Variants in MICAL3 observed in about 807,000 individuals in gnomAD.
The protein encoded by MICAL3 is microtubule associated monooxygenase, calponin and LIM domain containing 3.
In MICAL3, 62 loss-of-function variants were observed where a neutral mutation model predicts 207.4. The ratio of observed to expected loss-of-function variants is 0.30; its 90% confidence interval spans 0.24 to 0.37. The LOEUF (loss-of-function observed/expected upper bound fraction) is 0.37, where lower values mean the gene tolerates loss of function less well. MICAL3 is among the 10% of genes least tolerant of loss of function. The pLI is 1.00. For synonymous variants in MICAL3, 1,077 were observed against 1,069.3 expected (o/e 1.01, Z -0.14); for missense variants, 2,368 against 2,635.6 (o/e 0.90, Z 2.22).
At chr22:17,849,490 AC>A (rs1438097087) in intron 19 of MICAL3, among the ~76,000 whole-genome samples, 4 of 151,922 alleles carry the variant, frequency 2.6e-5, no homozygotes, top group East Asian at 1.9e-4. Context: ...GTGCGCCATC[AC>A]GCCTGGCTAA....
intron 16 of MICAL3, chr22:17,872,805 A>G (rs534777258): frequency 1.9e-6 from 3 of 1,613,826 alleles, no homozygotes; most frequent in South Asian, 1.1e-5. Context: ...CTGATTGGCT[A>G]TCTGCTCAGC....
At chr22:17,868,903 T>G (rs1170356291) in intron 17 of MICAL3, among the ~76,000 whole-genome samples, 1 of 150,776 alleles carries the variant, frequency 6.6e-6, no homozygotes, top group Non-Finnish European at 1.5e-5. Context: ...CACAGACGCA[T>G]GGATGAGACA....
chr22:17,976,788 T>C (rs915484433), intron 1 of MICAL3, among the ~76,000 whole-genome samples: 3 of 149,462 alleles, frequency 2.0e-5, no homozygotes, highest in Admixed American at 2.0e-4. Context: ...TGTTACAGAC[T>C]ACTTAGTTCT....
intron 1 of MICAL3, among the ~76,000 whole-genome samples, chr22:18,001,833 G>A (rs906519028): frequency 1.3e-5 from 2 of 152,258 alleles, no homozygotes; most frequent in African/African-American, 2.4e-5. Context: ...GAAGCCACAT[G>A]AAGTGGCCAA....
intron 3 of MICAL3, among the ~76,000 whole-genome samples, chr22:17,903,903 A>T (rs1016745154): frequency 6.6e-5 from 10 of 152,266 alleles, no homozygotes; most frequent in African/African-American, 9.6e-5. Flanking sequence ...ATGATAATCA[A>T]TAAAAAGCTT....
intron 10 of MICAL3, among the ~76,000 whole-genome samples, chr22:17,894,407 A>G (rs1425995569): frequency 1.3e-5 from 2 of 151,706 alleles, no homozygotes; most frequent in Admixed American, 6.6e-5. Flanking sequence ...AAAAAAAAAA[A>G]AAAGAAAAAA....
rs527534230 is a variant in MICAL3, at chr22:17,796,841, G to A, written c.5651-5540C>T. Among the ~76,000 whole-genome samples, 3 of 152,282 alleles carry A rather than the reference G, an allele frequency of 2.0e-5. No homozygotes were observed. The highest frequency in any genetic ancestry group is 2.1e-4 in the South Asian group (1 of 4,828). On this transcript the variant is annotated intron_variant, in intron 29 of 31. Coordinates refer to ENST00000441493, the MANE Select transcript of MICAL3 (RefSeq NM_015241.3). This position sits in a 1 kb window ranked among gnomAD's most constrained non-coding sequence, Gnocchi z 4.4. ...CCTACACTACCACCTGGCCCTTGGC[G>A]CACCCGAGCACCTCACTCCAGGCCC... is the stretch of plus-strand genomic sequence containing the variant.
intron 1 of MICAL3, among the ~76,000 whole-genome samples, chr22:17,984,371 C>A (rs775445815): frequency 6.6e-6 from 1 of 152,238 alleles, no homozygotes; most frequent in South Asian, 2.1e-4. Flanking sequence ...CCTAATCCTG[C>A]GAACGCCTCT....
Position 17,997,748 on chromosome 22 carries a change from C to T in MICAL3, c.-75+26533G>A, listed in dbSNP as rs778976243. On this transcript the variant is annotated intron_variant, in intron 1 of 31. Coordinates refer to ENST00000441493, the MANE Select transcript of MICAL3 (RefSeq NM_015241.3). The stretch of plus-strand genomic sequence containing the variant: ...TAGGACCTCACAAAACCTTGTCATC[C>T]GTAAAACTGGGGATGATAAGTTCTA... Among the ~76,000 whole-genome samples, 16 of 152,228 alleles carry T rather than the reference C, an allele frequency of 1.1e-4. No homozygotes were observed. In the East Asian group the frequency reaches 1.5e-3, roughly 15 times the overall value.
intron 1 of MICAL3, among the ~76,000 whole-genome samples, chr22:17,998,130 T>C (rs976306974): frequency 2.5e-4 from 38 of 152,092 alleles, no homozygotes; most frequent in Non-Finnish European, 5.1e-4. Flanking sequence ...GGTGAAACCC[T>C]GTCTCTACTA....
chr22:17,992,492 A>T (rs893288245), intron 1 of MICAL3, among the ~76,000 whole-genome samples: 1 of 152,150 alleles, frequency 6.6e-6, no homozygotes, highest in African/African-American at 2.4e-5. Flanking sequence ...CCCCTTAGAA[A>T]TATCAACCTC....
In MICAL3 at chr22:17,902,783, A is replaced by G; in HGVS notation, c.473-36T>C. On this transcript the variant is annotated intron_variant, in intron 3 of 31. Transcript: ENST00000441493. This position sits in a 1 kb window ranked among gnomAD's most constrained non-coding sequence, Gnocchi z 4.5. Reference sequence around the variant, plus strand: ...ACAGAGATGACGTTGATGGGAACACATGGAGAAGGGGGTACCCATCCGTGT... The same window carrying G: ...ACAGAGATGACGTTGATGGGAACACGTGGAGAAGGGGGTACCCATCCGTGT... 3 of 1,302,604 alleles carry G rather than the reference A, an allele frequency of 2.3e-6. No individual in the cohort carries two copies. The highest frequency in any genetic ancestry group is 1.5e-5 in the African/African-American group (1 of 68,770). 80.7% of individuals were successfully genotyped at this position (1,302,604 alleles called of 1,614,324 possible). A position where few individuals can be genotyped will look rare whatever the true frequency, so the allele number is the denominator to read the frequency against.
At chr22:17,878,732 CG>C (rs1283007345) in intron 16 of MICAL3, among the ~76,000 whole-genome samples, 1 of 152,160 alleles carries the variant, frequency 6.6e-6, no homozygotes, top group Non-Finnish European at 1.5e-5. Flanking sequence ...CTGGGCATCT[CG>C]GCTATCCCTC....
intron 17 of MICAL3, among the ~76,000 whole-genome samples, chr22:17,867,965 C>T (rs1373179050): frequency 6.6e-6 from 1 of 152,170 alleles, no homozygotes; most frequent in African/African-American, 2.4e-5. Context: ...TCAACTGAAT[C>T]CTCCTTGAAC....
At chr22:17,974,253 T>C (rs1935537586) in intron 1 of MICAL3, among the ~76,000 whole-genome samples, 1 of 152,190 alleles carries the variant, frequency 6.6e-6, no homozygotes, top group South Asian at 2.1e-4. Flanking sequence ...TCAACAGTGC[T>C]GATAAAACAG....
At chr22:17,794,049 G>A (rs1388204420) in intron 29 of MICAL3, among the ~76,000 whole-genome samples, 3 of 152,234 alleles carry the variant, frequency 2.0e-5, no homozygotes, top group Non-Finnish European at 4.4e-5. Context: ...GGAACTGAAC[G>A]AGAGCAGATC....
intron 1 of MICAL3, among the ~76,000 whole-genome samples, chr22:18,003,786 T>TC (rs1421462059): frequency 3.9e-5 from 6 of 151,968 alleles, no homozygotes; most frequent in Admixed American, 1.3e-4. Flanking sequence ...TTTTTTTTTT[T>TC]TTAAGATGGA....
chr22:17,957,605 G>A (rs1934680954), intron 1 of MICAL3, among the ~76,000 whole-genome samples: 1 of 151,748 alleles, frequency 6.6e-6, no homozygotes, highest in African/African-American at 2.4e-5. Flanking sequence ...CAGCTACTCA[G>A]GAGGCTGAGG....
rs149827956 is a variant in MICAL3, at chr22:18,011,687, G to A, written c.-75+12594C>T. On this transcript the variant is annotated intron_variant, in intron 1 of 31. Coordinates refer to ENST00000441493, the MANE Select transcript of MICAL3 (RefSeq NM_015241.3). ...AGATCGAGACCATCCTGGCTAACAC[G>A]GTAAAAATATTACTATATTATAGTA... Among the ~76,000 whole-genome samples, 386 of 151,296 alleles carry A rather than the reference G, an allele frequency of 2.6e-3. 2 individuals are homozygous for A. Among genetic ancestry groups the A allele is most frequent in the African/African-American group, 7.8e-3 (324 of 41,296 alleles).
Sources: gnomAD v4.1 joint callset for allele counts (sites outside exome capture counted in the v4.1 genomes callset) on GRCh38, gnomAD v4.1.1 for gene constraint, Gnocchi (gnomAD v3.1) non-coding constraint, MANE v1.5 for transcripts, NCBI Gene and HGNC (gene_info 2026-07-23, HGNC 2026-07-21) for gene names.